The following FLT1 variants were observed in gnomAD, a reference collection of about 807,000 sequenced individuals.
The protein encoded by FLT1 is fms related receptor tyrosine kinase 1.
A neutral mutation model predicts 156.3 loss-of-function variants in FLT1; 49 were observed. The ratio of observed to expected loss-of-function variants is 0.31; its 90% CI spans 0.25 to 0.40. The LOEUF (loss-of-function observed/expected upper bound fraction) is 0.40. Among genes scored for constraint, FLT1 ranks in the 10% least tolerant of loss-of-function variants. The pLI is 1.00. For missense variants in FLT1, 1,322 were observed against 1,637.2 expected, an observed-to-expected ratio of 0.81 and a Z score of 3.32; for synonymous variants, 594 against 583.8, an observed-to-expected ratio of 1.02 and a Z score of -0.25.
intron 24 of FLT1, 24 bp from the exon 25 acceptor site, chr13:28,317,621 A>G (rs377741993): frequency 2.0e-6 from 3 of 1,491,772 alleles, no homozygotes; most frequent in Non-Finnish European, 2.8e-6. Context: ...TGTGGAAAAC[A>G]CAGGGCCTGT....
intron 1 of FLT1, among the ~76,000 whole-genome samples, chr13:28,478,980 G>T (rs571057455): frequency 6.6e-6 from 1 of 152,198 alleles, no homozygotes; most frequent in Admixed American, 6.5e-5. Context: ...TTGGAAGGCC[G>T]AATGTGATAA....
intron 10 of FLT1, among the ~76,000 whole-genome samples, chr13:28,419,148 G>A (rs1349927967): frequency 6.6e-6 from 1 of 152,186 alleles, no homozygotes; most frequent in African/African-American, 2.4e-5. Flanking sequence ...AAGGGCTAGT[G>A]ATTAGAAGCT....
chr13:28,485,601 T>C (rs1881106802), intron 1 of FLT1, among the ~76,000 whole-genome samples: 1 of 152,118 alleles, frequency 6.6e-6, no homozygotes, highest in Non-Finnish European at 1.5e-5. Context: ...AAAGCAAACA[T>C]GAAGTGTTAC....
chr13:28,341,510 A>T (rs1872332066), intron 16 of FLT1, among the ~76,000 whole-genome samples: 1 of 152,242 alleles, frequency 6.6e-6, no homozygotes, highest in African/African-American at 2.4e-5. Flanking sequence ...GTTGTTGTGA[A>T]TATCAAATGA....
At chr13:28,424,487 T>C (rs748277786) in intron 10 of FLT1, among the ~76,000 whole-genome samples, 1 of 152,172 alleles carries the variant, frequency 6.6e-6, no homozygotes, top group African/African-American at 2.4e-5. Flanking sequence ...AGTTGAACTA[T>C]CGGTAGTTAT....
At chr13:28,378,238 G>A (rs754336709) in intron 14 of FLT1, among the ~76,000 whole-genome samples, 8 of 152,096 alleles carry the variant, frequency 5.3e-5, no homozygotes, top group Admixed American at 3.3e-4. Context: ...TAGTAGAGAC[G>A]AGGTTTCACC....
chr13:28,439,161 A>AATGAGTCC lies in FLT1; in HGVS notation c.389-824_389-817dup, dbSNP rs1187842292. ...TCCCTGTAACTCCTCAGGGAACCAG[A>AATGAGTCC]ATGAGTCCAAGATCCTTTTAGAAAC... On this transcript the variant is annotated intron_variant, in intron 3 of 29. Coordinates refer to ENST00000282397, the MANE Select transcript of FLT1 (RefSeq NM_002019.4). The surrounding 1 kb of genome is among the most constrained non-coding windows in gnomAD (Gnocchi z 4.1). Among the ~76,000 whole-genome samples, 2 of 152,300 alleles carry AATGAGTCC rather than the reference A, an allele frequency of 1.3e-5. No homozygotes were observed. Among genetic ancestry groups the AATGAGTCC allele is most frequent in the East Asian group, 3.9e-4 (2 of 5,178 alleles).
chr13:28,447,664 C>T (rs1044500895), intron 3 of FLT1, among the ~76,000 whole-genome samples: 4 of 152,014 alleles, frequency 2.6e-5, no homozygotes, highest in African/African-American at 9.6e-5. Context: ...AAAGGTAACC[C>T]AAAGAATGGG....
At position 28,384,715 on chromosome 13, in the gene FLT1, C is replaced by A. The variant is rs115044648; in HGVS notation, c.2116+170G>T. Reference sequence around the variant, plus strand: ...GAATATGGTCTGCATAGGAACTGGCCCAAATATTCCTCACTGGACATTGCT... The same window carrying A: ...GAATATGGTCTGCATAGGAACTGGCACAAATATTCCTCACTGGACATTGCT... On this transcript the variant is annotated intron_variant, in intron 14 of 29. Transcript: ENST00000282397. Among the ~76,000 whole-genome samples the A allele has an allele frequency of 3.5e-3, 530 of 152,174 alleles. 2 individuals are homozygous for A. The highest frequency in any genetic ancestry group is 0.012 in the African/African-American group (507 of 41,486).
chr13:28,337,171 T>G (rs568759123), intron 17 of FLT1, among the ~76,000 whole-genome samples: 1 of 152,114 alleles, frequency 6.6e-6, no homozygotes, highest in Admixed American at 6.6e-5. Context: ...TTTAAGATTC[T>G]TTTTGTTCTT....
intron 20 of FLT1, among the ~76,000 whole-genome samples, chr13:28,323,322 G>A (rs759724951): frequency 3.3e-5 from 5 of 152,200 alleles, no homozygotes; most frequent in Non-Finnish European, 7.3e-5. Context: ...AACAGGTTCA[G>A]AGAAGTAAAG....
chr13:28,443,646 G>A (rs1878454180), intron 3 of FLT1, among the ~76,000 whole-genome samples: 1 of 152,194 alleles, frequency 6.6e-6, no homozygotes, highest in South Asian at 2.1e-4. Flanking sequence ...AGATGAAGGG[G>A]AGAGGATAAA....
intron 6 of FLT1, among the ~76,000 whole-genome samples, chr13:28,431,616 G>A (rs1302326046): frequency 2.0e-5 from 3 of 152,134 alleles, no homozygotes; most frequent in Non-Finnish European, 2.9e-5. Context: ...TTTTAGTGAT[G>A]AAAAAACTGA....
chr13:28,404,092 A>G (rs1049281664), intron 11 of FLT1, among the ~76,000 whole-genome samples: 6 of 152,178 alleles, frequency 3.9e-5, no homozygotes, highest in South Asian at 2.1e-4. Flanking sequence ...TAAACTTTCA[A>G]GTTTATATAA....
At chr13:28,485,146 T>C (rs1199308969) in intron 1 of FLT1, among the ~76,000 whole-genome samples, 2 of 152,184 alleles carry the variant, frequency 1.3e-5, no homozygotes, top group Non-Finnish European at 2.9e-5. Context: ...AAAAAATATA[T>C]GTAAATCAAT....
At chr13:28,325,251 C>T (rs1025987096) in intron 20 of FLT1, among the ~76,000 whole-genome samples, 15 of 152,284 alleles carry the variant, frequency 9.9e-5, no homozygotes, top group Middle Eastern at 3.4e-3. Context: ...CTTCCTGAAG[C>T]CAGTCCAAAA....
At position 28,389,869 on chromosome 13, in the gene FLT1, G is replaced by A. The variant is rs1397348499; in HGVS notation, c.1896C>T (p.Gly632=). Residue 632 remains glycine, a synonymous_variant, in exon 13 of 30, where the codon GGC becomes GGT. Transcript: ENST00000282397. ...TIMNVSLQDS[G]TYACRARNVY... ...CATTCCTGGCTCTGCAGGCATAGGT[G>A]CCTGAATCTTGCAGGGAAACATTCA... 6.2e-7 allele frequency: 1 copy of A among 1,614,080 alleles called. No homozygotes were observed. Among genetic ancestry groups the A allele is most frequent in the Non-Finnish European group, 8.5e-7 (1 of 1,179,958 alleles).
chr13:28,392,988 A>C (rs1874829417), intron 12 of FLT1, among the ~76,000 whole-genome samples: 2 of 152,040 alleles, frequency 1.3e-5, no homozygotes, highest in Non-Finnish European at 2.9e-5. Flanking sequence ...TTTTCTCCTT[A>C]ATTCATGTTG....
Position 28,385,047 on chromosome 13 carries a change from AG to A in FLT1, c.1970-17del, listed in dbSNP as rs1874279803. The A allele has an allele frequency of 6.2e-7, 1 of 1,613,934 alleles. No homozygotes were observed. Among genetic ancestry groups the A allele is most frequent in the African/African-American group, 1.3e-5 (1 of 75,038 alleles). On this transcript the variant is annotated splice_polypyrimidine_tract_variant and intron_variant, in intron 13 of 29. Coordinates refer to ENST00000282397, the MANE Select transcript of FLT1 (RefSeq NM_002019.4). Reference sequence around the variant, plus strand: ...GCTTCCTGATCTAGTGAAGAAAGAAAGGGAGCTGTGATTACTCGTCAACTTT... The same window carrying A: ...GCTTCCTGATCTAGTGAAGAAAGAAAGGAGCTGTGATTACTCGTCAACTTT...
Sources: gnomAD v4.1 joint callset for allele counts (sites outside exome capture counted in the v4.1 genomes callset) on GRCh38, gnomAD v4.1.1 for gene constraint, Gnocchi (gnomAD v3.1) non-coding constraint, MANE v1.5 for transcripts, NCBI Gene and HGNC (gene_info 2026-07-23, HGNC 2026-07-21) for gene names.